Variants in CCBE1 observed in about 807,000 individuals in gnomAD.
The protein encoded by CCBE1 is collagen and calcium binding EGF domains 1, also known as collagen and calcium-binding EGF domain-containing protein 1.
A neutral mutation model predicts 50.0 loss-of-function variants in CCBE1; 37 were observed. The ratio of observed to expected loss-of-function variants is 0.74; its 90% CI spans 0.57 to 0.97. The LOEUF (loss-of-function observed/expected upper bound fraction) is 0.97, where lower values mean the gene tolerates loss of function less well. Among genes scored for constraint, CCBE1 ranks in the 50% least tolerant of loss-of-function variants. The probability of loss-of-function intolerance (pLI) is 0.00; values close to 1 mark genes in which losing one functional copy is unlikely to be tolerated. For missense variants in CCBE1, 538 were observed against 523.8 expected, an observed-to-expected ratio of 1.03 and a Z score of -0.26; for synonymous variants, 234 against 203.7, an observed-to-expected ratio of 1.15 and a Z score of -1.27.
chr18:59,543,979 G>A (rs542221874), intron 2 of CCBE1, among the ~76,000 whole-genome samples: 10 of 152,190 alleles, frequency 6.6e-5, no homozygotes, highest in African/African-American at 2.2e-4. Context: ...TCAAACACAC[G>A]TATTCTGGAA....
intron 2 of CCBE1, among the ~76,000 whole-genome samples, chr18:59,516,694 T>C (rs1231078800): frequency 6.6e-6 from 1 of 152,184 alleles, no homozygotes; most frequent in Non-Finnish European, 1.5e-5. Flanking sequence ...TAAGTTTCTA[T>C]TTAATTGGTT....
intron 2 of CCBE1, among the ~76,000 whole-genome samples, chr18:59,625,813 G>T (rs1235975907): frequency 6.6e-6 from 1 of 152,086 alleles, no homozygotes; most frequent in East Asian, 1.9e-4. Flanking sequence ...GAGGGGTGGG[G>T]TCTTTGGGGT....
chr18:59,697,385 G>A lies in CCBE1; in HGVS notation c.-43C>T, dbSNP rs1418975200. 3 of 1,534,856 alleles carry A rather than the reference G, an allele frequency of 2.0e-6. No individual in the cohort carries two copies. Among genetic ancestry groups the A allele is most frequent in the Non-Finnish European group, 2.6e-6 (3 of 1,142,444 alleles). On this transcript the variant is annotated 5_prime_UTR_variant, in exon 1 of 11. Transcript: ENST00000439986. ...TCTTCCCAGCGCCGAGCTCCGTCCG[G>A]ACCAAGCGTCCTGCTCCTCCGCGGC... is the stretch of plus-strand genomic sequence containing the variant.
chr18:59,528,579 A>AT (rs981840041), intron 2 of CCBE1, among the ~76,000 whole-genome samples: 73 of 151,862 alleles, frequency 4.8e-4, no homozygotes, highest in African/African-American at 1.7e-3. Context: ...TTTTTTGTTG[A>AT]TTTTTTCTCA....
intron 2 of CCBE1, among the ~76,000 whole-genome samples, chr18:59,486,052 G>A (rs2143790441): frequency 6.6e-6 from 1 of 152,232 alleles, no homozygotes; most frequent in Admixed American, 6.5e-5. Flanking sequence ...CAGAGCTAGG[G>A]ATTGCTTGCG....
At chr18:59,529,629 C>CT (rs1470611574) in intron 2 of CCBE1, among the ~76,000 whole-genome samples, 3 of 152,206 alleles carry the variant, frequency 2.0e-5, no homozygotes, top group Non-Finnish European at 4.4e-5. Context: ...TGTGTGGCTC[C>CT]TGAGTGGGTG....
At chr18:59,594,771 G>A (rs986817844) in intron 2 of CCBE1, among the ~76,000 whole-genome samples, 1 of 151,928 alleles carries the variant, frequency 6.6e-6, no homozygotes, top group Non-Finnish European at 1.5e-5. Context: ...GATGAAAGGC[G>A]GCATTCTATG....
rs185694167 is a variant in CCBE1 at position 59,432,689 on chromosome 18, C to A, written c.*3219G>T. 1 of 152,136 alleles carries A rather than the reference C, an allele frequency of 6.6e-6. No individual in the cohort carries two copies. The highest frequency in any genetic ancestry group is 2.4e-5 in the African/African-American group (1 of 41,430). The allele number at this position is 152,136 out of a possible 1,614,324, so 9.4% of individuals were successfully genotyped here. The stretch of plus-strand genomic sequence containing the variant: ...TCCAGCAGATTGACATTATAAAATA[C>A]AGGTTACCATAAGTTTTGCTGGAGA... On this transcript the variant is annotated 3_prime_UTR_variant, in exon 11 of 11. Coordinates refer to ENST00000439986, the MANE Select transcript of CCBE1 (RefSeq NM_133459.4).
At chr18:59,671,016 A>G (rs920850440) in intron 2 of CCBE1, among the ~76,000 whole-genome samples, 2 of 152,188 alleles carry the variant, frequency 1.3e-5, no homozygotes, top group Admixed American at 1.3e-4. Context: ...CAAAATCTAA[A>G]CCCATGATTG....
chr18:59,501,939 C>A (rs1386708245), intron 2 of CCBE1, among the ~76,000 whole-genome samples: 1 of 152,188 alleles, frequency 6.6e-6, no homozygotes. Flanking sequence ...GCTGCAACTA[C>A]AGGCGTGCAC....
chr18:59,499,524 G>A (rs1385840830), intron 2 of CCBE1, among the ~76,000 whole-genome samples: 1 of 152,212 alleles, frequency 6.6e-6, no homozygotes. Flanking sequence ...AGCAAGTCAT[G>A]TCTTACATGG....
At chr18:59,576,601 ATG>A (rs1169758569) in intron 2 of CCBE1, among the ~76,000 whole-genome samples, 1 of 152,192 alleles carries the variant, frequency 6.6e-6, no homozygotes, top group African/African-American at 2.4e-5. Context: ...TTGTGACAAA[ATG>A]TGGAATTAAA....
chr18:59,452,570 G>A lies in CCBE1; in HGVS notation c.654+2281C>T, dbSNP rs147421400. On this transcript the variant is annotated intron_variant, in intron 6 of 10. Coordinates refer to ENST00000439986, the MANE Select transcript of CCBE1 (RefSeq NM_133459.4). ...ATCACACCACTGCACTCCAGCCTGGGCGACAGAGCGAGACTTCATCTCAAA... is the reference window on the plus strand; with the variant it reads ...ATCACACCACTGCACTCCAGCCTGGACGACAGAGCGAGACTTCATCTCAAA... 0.011 allele frequency among the ~76,000 whole-genome samples: 1,737 copies of A among 152,282 alleles called. 120 individuals carry two copies. In the East Asian group the frequency reaches 0.21, roughly 18 times the overall value.
chr18:59,690,052 G>A (rs780801626), intron 2 of CCBE1, among the ~76,000 whole-genome samples: 4 of 152,130 alleles, frequency 2.6e-5, no homozygotes, highest in Non-Finnish European at 5.9e-5. Context: ...AAATCTTTGG[G>A]TCAAAATTCC....
rs143004896 is a variant in CCBE1, at chr18:59,551,050, A to G, written c.213-70812T>C. ...AAAAAGAAAAGAAAAGAAAAGAAAA[A>G]AAAGAAAAAAGAAAAATAAAAATAC... On this transcript the variant is annotated intron_variant, in intron 2 of 10. Transcript: ENST00000439986. Among the ~76,000 whole-genome samples the G allele has an allele frequency of 4.6e-3, 685 of 148,194 alleles. 7 individuals are homozygous for G. The highest frequency in any genetic ancestry group is 0.016 in the African/African-American group (650 of 40,082).
chr18:59,542,675 A>C (rs1296340708), intron 2 of CCBE1, among the ~76,000 whole-genome samples: 1 of 152,218 alleles, frequency 6.6e-6, no homozygotes, highest in African/African-American at 2.4e-5. Flanking sequence ...ACCACTGCTA[A>C]AATGTGCCTG....
chr18:59,569,643 A>G (rs1022667086), intron 2 of CCBE1, among the ~76,000 whole-genome samples: 4 of 152,062 alleles, frequency 2.6e-5, no homozygotes, highest in Non-Finnish European at 5.9e-5. Context: ...TTTAAAAAAA[A>G]AAAAAGAGAC....
chr18:59,454,333 C>T (rs559540127), intron 6 of CCBE1, among the ~76,000 whole-genome samples: 62 of 152,250 alleles, frequency 4.1e-4, no homozygotes, highest in African/African-American at 1.4e-3. Context: ...CAACCTCTGC[C>T]TCCCAGGTTC....
At chr18:59,592,819 G>A (rs898367725) in intron 2 of CCBE1, among the ~76,000 whole-genome samples, 10 of 152,100 alleles carry the variant, frequency 6.6e-5, no homozygotes, top group South Asian at 2.1e-4. Context: ...GCATAAGGAC[G>A]AGTGCACAGT....
Sources: allele counts gnomAD v4.1 joint callset (sites outside exome capture counted in the v4.1 genomes callset), GRCh38; gene constraint gnomAD v4.1.1; transcripts MANE v1.5; gene names NCBI Gene and HGNC (gene_info 2026-07-23, HGNC 2026-07-21).